The following RBPMS variants were observed in gnomAD, a reference collection of about 807,000 sequenced individuals.
RBPMS encodes the protein RNA binding protein, mRNA processing factor.
Under a neutral mutation model 26.8 loss-of-function variants are expected in RBPMS, and 7 were observed. The ratio of observed to expected loss-of-function variants is 0.26; its 90% CI spans 0.15 to 0.49. RBPMS has a LOEUF of 0.49. Ranked by LOEUF, RBPMS falls within the 20% of genes least tolerant of loss-of-function variation. The probability of loss-of-function intolerance (pLI) is 0.98; values close to 1 mark genes in which losing one functional copy is unlikely to be tolerated. For missense variants in RBPMS, 186 were observed against 250.0 expected, an observed-to-expected ratio of 0.74 and a Z score of 1.73; for synonymous variants, 96 against 93.3, an observed-to-expected ratio of 1.03 and a Z score of -0.17.
In RBPMS at chr8:30,422,609, A is replaced by G. The variant is rs926294188; in HGVS notation, c.66+37451A>G. On this transcript the variant is annotated intron_variant, in intron 1 of 8. Coordinates refer to ENST00000397323, the MANE Select transcript of RBPMS (RefSeq NM_001008710.3). The stretch of plus-strand genomic sequence containing the variant: ...ATAGAAATCTGCGCCTCATTTAGGC[A>G]TGAGAGTGTTCCGTAGCACCTCCTT... 2.0e-5 allele frequency among the ~76,000 whole-genome samples: 3 copies of G among 152,240 alleles called. 1 individual carries two copies.
intron 1 of RBPMS, among the ~76,000 whole-genome samples, chr8:30,435,536 C>A (rs1812360122): frequency 6.6e-6 from 1 of 152,176 alleles, no homozygotes; most frequent in South Asian, 2.1e-4. Context: ...GACATAGATT[C>A]AAAGCCTTTT....
intron 4 of RBPMS, among the ~76,000 whole-genome samples, chr8:30,494,793 C>G (rs1027598435): frequency 9.2e-5 from 14 of 152,330 alleles, no homozygotes; most frequent in Admixed American, 2.6e-4. Flanking sequence ...CCTTCTTCTC[C>G]TGGTTGCTTT....
At chr8:30,521,899 A>C (rs1196492239) in intron 5 of RBPMS, among the ~76,000 whole-genome samples, 1 of 152,204 alleles carries the variant, frequency 6.6e-6, no homozygotes, top group Non-Finnish European at 1.5e-5. Flanking sequence ...ATAAATAAAG[A>C]AGATAGAATG....
At position 30,552,554 on chromosome 8, in the gene RBPMS, C is replaced by T. The variant is rs1826480729; in HGVS notation, c.529-6333C>T. ...TTCACTGAGCTCAGCTCCTGGGGAC[C>T]TCTAATGGCCCTTGATAGCAAACAT... On this transcript the variant is annotated intron_variant, in intron 6 of 8. Coordinates refer to ENST00000397323, the MANE Select transcript of RBPMS (RefSeq NM_001008710.3). 5 of 152,328 alleles carry T rather than the reference C, an allele frequency of 3.3e-5. 1 individual carries two copies. The South Asian group carries it at 1.0e-3, about 32-fold the overall frequency. The allele number at this position is 152,328 out of a possible 1,614,324, so 9.4% of individuals were successfully genotyped here. A position where few individuals can be genotyped will look rare whatever the true frequency, so the allele number is the denominator to read the frequency against.
chr8:30,414,518 G>GC (rs538370117), intron 1 of RBPMS, among the ~76,000 whole-genome samples: 128 of 152,226 alleles, frequency 8.4e-4, no homozygotes, highest in African/African-American at 2.9e-3. Flanking sequence ...CCAGACCTTG[G>GC]CCAGGAGGCT....
intron 2 of RBPMS, 36 bp from the exon 3 acceptor site, chr8:30,477,763 T>G (rs1817854536): frequency 6.7e-7 from 1 of 1,483,608 alleles, no homozygotes; most frequent in Non-Finnish European, 9.4e-7. Flanking sequence ...TTACTACAGT[T>G]ACTTTTGGCT....
chr8:30,555,234 G>T (rs1826756952), intron 6 of RBPMS, among the ~76,000 whole-genome samples: 1 of 152,132 alleles, frequency 6.6e-6, no homozygotes, highest in Non-Finnish European at 1.5e-5. Context: ...GACTTACAGT[G>T]TTAGCCATGC....
chr8:30,418,924 G>A (rs1282625147), intron 1 of RBPMS, among the ~76,000 whole-genome samples: 6 of 151,910 alleles, frequency 3.9e-5, no homozygotes, highest in African/African-American at 9.7e-5. Flanking sequence ...CTCTTTATAC[G>A]TTGTAAACAT....
chr8:30,486,502 G>C (rs546570074), intron 4 of RBPMS, among the ~76,000 whole-genome samples: 357 of 151,816 alleles, frequency 2.4e-3, no homozygotes, highest in Non-Finnish European at 4.6e-3. Flanking sequence ...GCATGGTGGC[G>C]GCTGCCTGTA....
intron 1 of RBPMS, among the ~76,000 whole-genome samples, chr8:30,451,988 G>A (rs1814641913): frequency 1.3e-5 from 2 of 152,100 alleles, no homozygotes; most frequent in Admixed American, 6.6e-5. Context: ...CACCTTTTAG[G>A]GAGGAAGCAG....
intron 5 of RBPMS, among the ~76,000 whole-genome samples, chr8:30,538,556 A>G (rs765495098): frequency 3.9e-5 from 6 of 152,156 alleles, no homozygotes; most frequent in Non-Finnish European, 1.5e-5. Context: ...GCGCCCGGCA[A>G]CAATCTTTTC....
chr8:30,506,358 A>AAG (rs397753550), intron 5 of RBPMS, among the ~76,000 whole-genome samples: 1 of 144,052 alleles, frequency 6.9e-6, no homozygotes, highest in South Asian at 2.2e-4. Flanking sequence ...AAAAAAAAAA[A>AAG]TCCAAGCAGC....
chr8:30,549,772 TTCTCTC>T (rs1181705539), intron 6 of RBPMS, among the ~76,000 whole-genome samples: 3 of 71,224 alleles, frequency 4.2e-5, no homozygotes, highest in Non-Finnish European at 7.6e-5. Flanking sequence ...TTTTCTTTTC[TTCTCTC>T]TCTCTCTCTC....
intron 5 of RBPMS, among the ~76,000 whole-genome samples, chr8:30,527,206 C>A (rs114573021): frequency 0.011 from 1,722 of 152,218 alleles, 40 homozygotes; most frequent in African/African-American, 0.038. Flanking sequence ...TACTGTAAAC[C>A]CTCAGACACG....
chr8:30,512,272 TTTTG>T (rs771615682), intron 5 of RBPMS, among the ~76,000 whole-genome samples: 62 of 152,250 alleles, frequency 4.1e-4, no homozygotes, highest in African/African-American at 1.3e-3. Context: ...GTGTATGCTT[TTTTG>T]TTTTTGTTTA....
chr8:30,446,890 C>G, intron 1 of RBPMS: 1 of 149,178 alleles, frequency 6.7e-6, no homozygotes, highest in Non-Finnish European at 1.5e-5. Context: ...GATGGAACTT[C>G]AGTATTTTGC....
At chr8:30,514,590 G>T (rs1478511932) in intron 5 of RBPMS, among the ~76,000 whole-genome samples, 2 of 150,696 alleles carry the variant, frequency 1.3e-5, no homozygotes, top group Non-Finnish European at 2.9e-5. Flanking sequence ...TGTCACCCAG[G>T]CTAGAGTTCA....
At chr8:30,463,346 CT>C in intron 1 of RBPMS, among the ~76,000 whole-genome samples, 1 of 152,214 alleles carries the variant, frequency 6.6e-6, no homozygotes, top group East Asian at 1.9e-4. Flanking sequence ...AACATTTTAG[CT>C]GGGGCTGCGG....
rs184290172 is a variant in RBPMS at position 30,492,183 on chromosome 8, C to T, written c.247-12103C>T. ...CTGACATTACAGGTGTGAGCCACTG[C>T]GCCCAGCCGACACACTTGTTTTTTA... On this transcript the variant is annotated intron_variant, in intron 4 of 8. Coordinates refer to ENST00000397323, the MANE Select transcript of RBPMS (RefSeq NM_001008710.3). Among the ~76,000 whole-genome samples the T allele has an allele frequency of 4.6e-5, 7 of 152,310 alleles. No individual in the cohort carries two copies. In the East Asian group the frequency reaches 1.4e-3, roughly 29 times the overall value.
Sources: gnomAD v4.1 joint callset for allele counts (sites outside exome capture counted in the v4.1 genomes callset) on GRCh38, gnomAD v4.1.1 for gene constraint, MANE v1.5 for transcripts, NCBI Gene and HGNC (gene_info 2026-07-23, HGNC 2026-07-21) for gene names.